Variants in DOCK10 observed in about 807,000 individuals in gnomAD.
The protein encoded by DOCK10 is dedicator of cytokinesis 10, also known as dedicator of cytokinesis protein 10.
In DOCK10, 145 loss-of-function variants were observed where a neutral mutation model predicts 280.1. The observed-to-expected ratio is 0.52, with a 90% confidence interval of 0.45 to 0.59. DOCK10 has a LOEUF of 0.59. Among genes scored for constraint, DOCK10 ranks in the 20% least tolerant of loss-of-function variants. The probability of loss-of-function intolerance (pLI) is 0.00; values close to 1 mark genes in which losing one functional copy is unlikely to be tolerated. For missense variants in DOCK10, 2,368 were observed against 2,651.7 expected (o/e 0.89, Z 2.35); for synonymous variants, 915 against 942.2 (o/e 0.97, Z 0.53).
At position 224,773,349 on chromosome 2, in the gene DOCK10, T is replaced by G; in HGVS notation, c.6014-2A>C. The G allele has an allele frequency of 1.9e-6, 3 of 1,607,416 alleles. No homozygotes were observed. The highest frequency in any genetic ancestry group is 2.5e-6 in the Non-Finnish European group (3 of 1,176,946). The stretch of plus-strand genomic sequence containing the variant: ...TCACGTAGGGGAACAGGTGACTCGC[T>G]GTACAAAAGCCATACAAAGGGATTT... On this transcript the variant is annotated splice_acceptor_variant, in intron 52 of 55. Coordinates refer to ENST00000258390, the MANE Select transcript of DOCK10 (RefSeq NM_014689.3). LOFTEE classifies it high-confidence loss of function.
rs776104946 is a variant in DOCK10 at position 225,014,081 on chromosome 2, A to ATATATATT, written c.123+28170_123+28171insAATATATA. Among the ~76,000 whole-genome samples the ATATATATT allele has an allele frequency of 2.1e-3, 199 of 96,796 alleles. 3 individuals are homozygous for ATATATATT. Among genetic ancestry groups the ATATATATT allele is most frequent in the Middle Eastern group, 6.8e-3 (1 of 148 alleles). The allele number at this position is 96,796 out of a possible 152,430, so 63.5% of individuals were successfully genotyped here. A position where few individuals can be genotyped will look rare whatever the true frequency, so the allele number is the denominator to read the frequency against. On this transcript the variant is annotated intron_variant, in intron 1 of 55. Coordinates refer to ENST00000258390, the MANE Select transcript of DOCK10 (RefSeq NM_014689.3). ...AAAAAATCCCCAGAAGTCTGAATATATTGTTTTTTTTTTTTTGTTTTTTTT... is the reference window on the plus strand; with the variant it reads ...AAAAAATCCCCAGAAGTCTGAATATATATATATTTTGTTTTTTTTTTTTTGTTTTTTTT...
intron 7 of DOCK10, among the ~76,000 whole-genome samples, chr2:224,877,060 C>T (rs550188929): frequency 1.3e-5 from 2 of 152,298 alleles, no homozygotes; most frequent in South Asian, 4.1e-4. Context: ...ATTGCTGCCA[C>T]AAGGAAGGCC....
At chr2:224,795,133 A>C (rs1211561957) in intron 44 of DOCK10, 39 bp from the exon 45 acceptor site, 1 of 1,575,252 alleles carries the variant, frequency 6.3e-7, no homozygotes, top group African/African-American at 1.4e-5. Context: ...ATCTGTTTAG[A>C]ATCTATAGGT....
At chr2:225,018,531 T>TAAGGTGGAG (rs1553633096) in intron 1 of DOCK10, among the ~76,000 whole-genome samples, 22 of 39,106 alleles carry the variant, frequency 5.6e-4, no homozygotes, top group South Asian at 2.8e-3. Flanking sequence ...ATATAATATA[T>TAAGGTGGAG]ATGTAATATT....
intron 50 of DOCK10, among the ~76,000 whole-genome samples, chr2:224,782,713 T>A (rs1200962413): frequency 2.0e-5 from 3 of 152,204 alleles, no homozygotes; most frequent in Non-Finnish European, 4.4e-5. Context: ...GCCAAAACTA[T>A]AAAATGAGAG....
intron 3 of DOCK10, among the ~76,000 whole-genome samples, chr2:224,912,531 A>T (rs1701081826): frequency 6.6e-6 from 1 of 152,220 alleles, no homozygotes; most frequent in South Asian, 2.1e-4. Flanking sequence ...GAAGAGAATT[A>T]TATAAGTTGA....
At chr2:224,998,358 C>T (rs1337427773) in intron 1 of DOCK10, among the ~76,000 whole-genome samples, 3 of 152,066 alleles carry the variant, frequency 2.0e-5, no homozygotes, top group Non-Finnish European at 2.9e-5. Context: ...TCAGGAGCAT[C>T]GGGGTTTTCT....
chr2:224,787,250 A>G, intron 49 of DOCK10, 25 bp downstream of exon 49: 1 of 1,613,256 alleles, frequency 6.2e-7, no homozygotes, highest in Non-Finnish European at 8.5e-7. Context: ...ATTTTAATTA[A>G]CTTCTAGGGG....
intron 26 of DOCK10, among the ~76,000 whole-genome samples, chr2:224,833,374 C>T (rs1286024319): frequency 1.3e-5 from 2 of 152,022 alleles, no homozygotes; most frequent in African/African-American, 4.8e-5. Context: ...TGTCTCCTGC[C>T]ACAGTGTCCT....
intron 1 of DOCK10, among the ~76,000 whole-genome samples, chr2:225,041,040 C>A (rs1421294135): frequency 1.3e-5 from 2 of 151,206 alleles, no homozygotes; most frequent in African/African-American, 4.9e-5. Flanking sequence ...ACACTCCAAT[C>A]ACCCCCGCCC....
At chr2:224,874,488 A>G (rs1698502193) in intron 9 of DOCK10, 139 bp from the exon 10 acceptor site, 7 of 924,994 alleles carry the variant, frequency 7.6e-6, no homozygotes, top group Non-Finnish European at 1.2e-5. Context: ...ATCTTGTAAA[A>G]GTATGTTTCC....
At chr2:225,005,278 T>C (rs1706535813) in intron 1 of DOCK10, among the ~76,000 whole-genome samples, 1 of 152,210 alleles carries the variant, frequency 6.6e-6, no homozygotes. Flanking sequence ...GGCAAACAAC[T>C]TTCTATTCTC....
Position 225,042,258 on chromosome 2 carries a change from C to A in DOCK10, c.117G>T (p.Gln39His). The A allele has an allele frequency of 7.7e-7, 1 of 1,306,388 alleles. No homozygotes were observed. The highest frequency in any genetic ancestry group is 3.7e-5 in the Admixed American group (1 of 26,782). The allele number at this position is 1,306,388 out of a possible 1,614,324, so 80.9% of individuals were successfully genotyped here. Residue 39 changes from glutamine to histidine, a missense_variant, in exon 1 of 56, where the codon CAG (glutamine) becomes CAT (histidine). Coordinates refer to ENST00000258390, the MANE Select transcript of DOCK10 (RefSeq NM_014689.3). This position sits in a 1 kb window ranked among gnomAD's most constrained non-coding sequence, Gnocchi z 5.1. ...AAAVAVSSRQQQRQEKPRLLE... is the reference protein window; with the variant it reads ...AAAVAVSSRQHQRQEKPRLLE... ...GAGGACGCGCCGCACTCACCCGCTG[C>A]TGCTGCCGGCTGCTGACTGCCACCG...
At chr2:224,951,378 T>A (rs1703717208) in intron 1 of DOCK10, among the ~76,000 whole-genome samples, 1 of 152,192 alleles carries the variant, frequency 6.6e-6, no homozygotes, top group Non-Finnish European at 1.5e-5. Context: ...TGCATGCATA[T>A]ATGTACATAC....
Position 225,042,200 on chromosome 2 carries a change from C to T in DOCK10, c.123+52G>A. 1 of 1,228,472 alleles carries T rather than the reference C, an allele frequency of 8.1e-7. No individual in the cohort carries two copies. Among genetic ancestry groups the T allele is most frequent in the Non-Finnish European group, 1.0e-6 (1 of 985,596 alleles). 76.1% of individuals were successfully genotyped at this position (1,228,472 alleles called of 1,614,324 possible). On this transcript the variant is annotated intron_variant, in intron 1 of 55. Coordinates refer to ENST00000258390, the MANE Select transcript of DOCK10 (RefSeq NM_014689.3). This position sits in a 1 kb window ranked among gnomAD's most constrained non-coding sequence, Gnocchi z 5.1. ...CTTTTGGGGAAGCTGGGCTCCGTTC[C>T]CCCCGGGCGCCTGGGGCGCGCGGGA...
intron 19 of DOCK10, among the ~76,000 whole-genome samples, chr2:224,848,003 G>C (rs1696477099): frequency 6.6e-6 from 1 of 152,194 alleles, no homozygotes; most frequent in East Asian, 1.9e-4. Flanking sequence ...CTTATAAGAG[G>C]AAGGCAGAGT....
chr2:224,874,420 C>G, intron 9 of DOCK10, 71 bp from the exon 10 acceptor site: 1 of 1,193,384 alleles, frequency 8.4e-7, no homozygotes, highest in Non-Finnish European at 1.2e-6. Context: ...TCCACATGGC[C>G]AAGAAGCAGC....
intron 1 of DOCK10, among the ~76,000 whole-genome samples, chr2:224,967,159 A>G (rs562916684): frequency 1.3e-5 from 2 of 149,928 alleles, no homozygotes; most frequent in Non-Finnish European, 3.0e-5. Flanking sequence ...GGCTCACTGC[A>G]AGCTCCACCT....
intron 11 of DOCK10, among the ~76,000 whole-genome samples, chr2:224,871,370 C>T (rs1247659283): frequency 6.6e-6 from 1 of 152,060 alleles, no homozygotes; most frequent in Non-Finnish European, 1.5e-5. Flanking sequence ...GCTTATCAGC[C>T]CAATTTACAA....
Sources: allele counts gnomAD v4.1 joint callset (sites outside exome capture counted in the v4.1 genomes callset), GRCh38; gene constraint gnomAD v4.1.1; non-coding constraint Gnocchi (gnomAD v3.1); transcripts MANE v1.5; gene names NCBI Gene and HGNC (gene_info 2026-07-23, HGNC 2026-07-21).